Variants in RNF138 observed in about 807,000 individuals in gnomAD.
RNF138 encodes ring finger protein 138.
RNF138 carries 12 observed loss-of-function variants against 31.0 expected under a neutral mutation model. The ratio of observed to expected loss-of-function variants is 0.39; its 90% CI spans 0.25 to 0.63. RNF138 has a LOEUF of 0.63. Among genes scored for constraint, RNF138 ranks in the 20% least tolerant of loss-of-function variants. RNF138 has a pLI of 0.52. For synonymous variants in RNF138, 105 were observed against 99.5 expected (o/e 1.06, Z -0.33); for missense variants, 192 against 300.1 (o/e 0.64, Z 2.66).
At chr18:32,108,568 C>G (rs1423038828) in intron 2 of RNF138, among the ~76,000 whole-genome samples, 1 of 152,256 alleles carries the variant, frequency 6.6e-6, no homozygotes, top group Admixed American at 6.5e-5. Flanking sequence ...ATGCATTCTT[C>G]TGTTGGCGGA....
At position 32,111,832 on chromosome 18, in the gene RNF138, A is replaced by G; in HGVS notation, c.189A>G (p.Arg63=). 6.2e-7 allele frequency: 1 copy of G among 1,613,976 alleles called. No homozygotes were observed. Among genetic ancestry groups the G allele is most frequent in the South Asian group, 1.1e-5 (1 of 91,066 alleles). The stretch of plus-strand genomic sequence containing the variant: ...CCCTATGTCGTGGAAATGTGACTAG[A>G]AGAGAGAGAGCATGTCCTGAACGGG... ...HCPLCRGNVT[R]RERACPERAL... Residue 63 remains arginine (R), a synonymous_variant, in exon 3 of 8, where the codon AGA becomes AGG. Transcript: ENST00000261593.
At position 32,111,797 on chromosome 18, in the gene RNF138, G is replaced by C; in HGVS notation, c.154G>C (p.Ala52Pro). The change falls in exon 3 of 8, where the codon GCA becomes CCA. Residue 52 changes from alanine (A) to proline (P), a missense_variant. This residue lies in a region of RNF138 where 140 missense variants were observed against 251.7 expected (regional missense o/e 0.56). Transcript: ENST00000261593. Reference sequence around the variant, plus strand: ...CCTGACTGCAATGAGGGAAAGCGGAGCACATTGTCCCCTATGTCGTGGAAA... The same window carrying C: ...CCTGACTGCAATGAGGGAAAGCGGACCACATTGTCCCCTATGTCGTGGAAA... Reference protein sequence around the residue: ...CFLTAMRESGAHCPLCRGNVT... With the variant: ...CFLTAMRESGPHCPLCRGNVT... 6.2e-7 allele frequency: 1 copy of C among 1,613,654 alleles called. No individual in the cohort carries two copies. Among genetic ancestry groups the C allele is most frequent in the Non-Finnish European group, 8.5e-7 (1 of 1,179,840 alleles).
At chr18:32,112,853 G>A (rs762514248) in intron 3 of RNF138, among the ~76,000 whole-genome samples, 25 of 152,188 alleles carry the variant, frequency 1.6e-4, no homozygotes, top group Non-Finnish European at 2.4e-4. Context: ...GTATATCCAT[G>A]TGTCTATAGA....
At chr18:32,100,076 C>T (rs1453417078) in intron 2 of RNF138, among the ~76,000 whole-genome samples, 2 of 152,144 alleles carry the variant, frequency 1.3e-5, no homozygotes, top group African/African-American at 4.8e-5. Context: ...GGTAAATTGG[C>T]ATTCATTGCT....
At chr18:32,102,301 A>C (rs1187988496) in intron 2 of RNF138, among the ~76,000 whole-genome samples, 2 of 138,220 alleles carry the variant, frequency 1.4e-5, no homozygotes, top group Admixed American at 1.7e-4. Context: ...TCCCAGGTTC[A>C]CACCATTCTC....
Position 32,092,900 on chromosome 18 carries a change from C to T in RNF138, c.110+14C>T, listed in dbSNP as rs373250124. On this transcript the variant is annotated intron_variant, in intron 2 of 7. Coordinates refer to ENST00000261593, the MANE Select transcript of RNF138 (RefSeq NM_016271.5). ...CTGTCAGCACGTGTGAGTAGACGCC[C>T]CCTCCCCCTCGCGGAGCCGGGTTGT... The T allele has an allele frequency of 6.9e-5, 100 of 1,448,986 alleles. 1 individual carries two copies. The South Asian group carries it at 1.1e-3, about 16-fold the overall frequency. The allele number at this position is 1,448,986 out of a possible 1,614,324, so 89.8% of individuals were successfully genotyped here.
chr18:32,110,421 A>G (rs1418349814), intron 2 of RNF138, among the ~76,000 whole-genome samples: 1 of 152,194 alleles, frequency 6.6e-6, no homozygotes, highest in African/African-American at 2.4e-5. Context: ...CTTGTTATCT[A>G]TTTTAATCCT....
rs1318740748 is a variant in RNF138, at chr18:32,123,570, A to G, written c.445A>G (p.Thr149Ala). The stretch of plus-strand genomic sequence containing the variant: ...TAACACAGAAACTTACCAAGAGAAT[A>G]CAAGGTAAGCTTTTGAAAAATCCTG... Reference protein sequence around the residue: ...SDNTETYQENTSSSGHPTFKC... With the variant: ...SDNTETYQENASSSGHPTFKC... Residue 149 changes from threonine (T) to alanine (A), a missense_variant, in exon 5 of 8, where the codon ACA (threonine) becomes GCA (alanine). Transcript: ENST00000261593. The G allele has an allele frequency of 1.9e-6, 3 of 1,586,894 alleles. No homozygotes were observed. In the Admixed American group the frequency reaches 5.3e-5, roughly 28 times the overall value.
chr18:32,115,786 C>T (rs1004006340), intron 4 of RNF138, among the ~76,000 whole-genome samples: 1 of 152,090 alleles, frequency 6.6e-6, no homozygotes, highest in African/African-American at 2.4e-5. Context: ...CGCACACACA[C>T]ACTTCCTTAT....
Position 32,115,769 on chromosome 18 carries a change from G to GCACGCACGCACACACA in RNF138, c.392+1913_392+1928dup, listed in dbSNP as rs2040206316. ...AAAACACACACACACGCACACACAC[G>GCACGCACGCACACACA]CACGCACGCACACACACACTTCCTT... On this transcript the variant is annotated intron_variant, in intron 4 of 7. Transcript: ENST00000261593. 2.0e-5 allele frequency among the ~76,000 whole-genome samples: 3 copies of GCACGCACGCACACACA among 151,574 alleles called. No homozygotes were observed. In the South Asian group the frequency reaches 6.2e-4, roughly 32 times the overall value.
At chr18:32,121,014 A>G (rs928384135) in intron 4 of RNF138, among the ~76,000 whole-genome samples, 1 of 152,102 alleles carries the variant, frequency 6.6e-6, no homozygotes, top group African/African-American at 2.4e-5. Flanking sequence ...CATGGCCGAT[A>G]GACCCAGCTA....
At chr18:32,094,784 A>G (rs930342508) in intron 2 of RNF138, among the ~76,000 whole-genome samples, 1 of 152,118 alleles carries the variant, frequency 6.6e-6, no homozygotes, top group East Asian at 1.9e-4. Context: ...TGCTAACTAT[A>G]TATATATATA....
At chr18:32,092,445 G>C (rs905517916) in intron 1 of RNF138, among the ~76,000 whole-genome samples, 196 of 151,946 alleles carry the variant, frequency 1.3e-3, no homozygotes, top group Non-Finnish European at 2.0e-3. Context: ...GTGGCCTAGA[G>C]CGTGAGGCCG....
chr18:32,117,683 ATC>A (rs1469224378), intron 4 of RNF138, among the ~76,000 whole-genome samples: 2 of 152,216 alleles, frequency 1.3e-5, no homozygotes, highest in Non-Finnish European at 2.9e-5. Flanking sequence ...ATCTAAAATA[ATC>A]TGTGTCACTT....
At chr18:32,099,187 C>T (rs952860905) in intron 2 of RNF138, among the ~76,000 whole-genome samples, 7 of 152,040 alleles carry the variant, frequency 4.6e-5, no homozygotes, top group Non-Finnish European at 7.4e-5. Flanking sequence ...TCTGAAGATA[C>T]GGGCCTTTTC....
Position 32,124,775 on chromosome 18 carries a change from A to G in RNF138, c.491A>G (p.Glu164Gly). The G allele has an allele frequency of 6.2e-7, 1 of 1,605,336 alleles. No homozygotes were observed. Among genetic ancestry groups the G allele is most frequent in the Non-Finnish European group, 8.5e-7 (1 of 1,172,176 alleles). Residue 164 changes from glutamate to glycine, a missense_variant, in exon 6 of 8, where the codon GAA (glutamate) becomes GGA (glycine). This residue lies in a region of RNF138 where 140 missense variants were observed against 251.7 expected (regional missense o/e 0.56). Coordinates refer to ENST00000261593, the MANE Select transcript of RNF138 (RefSeq NM_016271.5). ...HPTFKCPLCQ[E>G]SNFTRQRLLD... ...ACTTTTAAGTGTCCCCTGTGTCAAG[A>G]ATCAAATTTTACCAGACAGCGTTTA...
intron 2 of RNF138, among the ~76,000 whole-genome samples, chr18:32,109,057 A>G (rs1475827001): frequency 2.6e-5 from 4 of 152,168 alleles, no homozygotes; most frequent in Non-Finnish European, 5.9e-5. Flanking sequence ...AATGGTTGTA[A>G]AAGTTTATAC....
chr18:32,122,903 T>G (rs1355395627), intron 4 of RNF138, among the ~76,000 whole-genome samples: 1 of 152,218 alleles, frequency 6.6e-6, no homozygotes, highest in Non-Finnish European at 1.5e-5. Context: ...GGTCCCTGTA[T>G]GGAATACTTA....
rs894848447 is a variant in RNF138 at position 32,131,393 on chromosome 18, C to T, written c.*2206C>T. On this transcript the variant is annotated 3_prime_UTR_variant, in exon 8 of 8. Coordinates refer to ENST00000261593, the MANE Select transcript of RNF138 (RefSeq NM_016271.5). ...GGGGAAAAGTTTATTTTTAATATTA[C>T]TTATAGCTGAGTCAGAATTAAAGGA... The T allele has an allele frequency of 2.0e-5, 3 of 152,024 alleles. No homozygotes were observed. Among genetic ancestry groups the T allele is most frequent in the Non-Finnish European group, 4.4e-5 (3 of 67,982 alleles). 9.4% of individuals were successfully genotyped at this position (152,024 alleles called of 1,614,324 possible).
Sources: gnomAD v4.1 joint callset for allele counts (sites outside exome capture counted in the v4.1 genomes callset) on GRCh38, gnomAD v4.1.1 for gene constraint, gnomAD v4.1.1 regional missense constraint, MANE v1.5 for transcripts, NCBI Gene and HGNC (gene_info 2026-07-23, HGNC 2026-07-21) for gene names.